CFAP92: variants seen among roughly 807,000 people sequenced by gnomAD.
The protein encoded by CFAP92 is cilia and flagella associated protein 92 (putative), also known as uncharacterized protein CFAP92.
Under a neutral mutation model 106.3 loss-of-function variants are expected in CFAP92, and 86 were observed. That is an observed-to-expected ratio of 0.81 (90% CI 0.68 to 0.97). The LOEUF is 0.97. Ranked by LOEUF, CFAP92 falls within the 50% of genes least tolerant of loss-of-function variation. The probability of loss-of-function intolerance (pLI) is 0.00; values close to 1 mark genes in which losing one functional copy is unlikely to be tolerated. For missense variants in CFAP92, 1,204 were observed against 1,283.8 expected, an observed-to-expected ratio of 0.94 and a Z score of 0.95; for synonymous variants, 477 against 506.4, an observed-to-expected ratio of 0.94 and a Z score of 0.78.
chr3:128,938,491 CTT>C (rs11361650), intron 10 of CFAP92, among the ~76,000 whole-genome samples: 2,197 of 135,772 alleles, frequency 0.016, 25 homozygotes, highest in Non-Finnish European at 0.022. Flanking sequence ...CTTCACCATT[CTT>C]TTTTTTTTTT....
intron 1 of CFAP92, chr3:129,002,447 C>A: frequency 7.2e-7 from 1 of 1,392,122 alleles, no homozygotes; most frequent in South Asian, 1.6e-5. Context: ...CAGCCCCACA[C>A]CATCCCACTC....
intron 9 of CFAP92, among the ~76,000 whole-genome samples, chr3:128,958,387 T>C (rs545170153): frequency 9.8e-5 from 15 of 152,308 alleles, no homozygotes; most frequent in Middle Eastern, 3.4e-3. Flanking sequence ...GTTACATACA[T>C]GTACAATAAA....
the CFAP92 span, among the ~76,000 whole-genome samples, chr3:129,010,756 T>G: frequency 2.0e-5 from 3 of 152,116 alleles, no homozygotes; most frequent in Admixed American, 6.5e-5. This position sits in a 1 kb window ranked among gnomAD's most constrained non-coding sequence, Gnocchi z 4.3. Flanking sequence ...CCATCGTCCT[T>G]GGAGGTGGGT....
intron 10 of CFAP92, among the ~76,000 whole-genome samples, chr3:128,935,643 C>A (rs922698041): frequency 1.1e-4 from 16 of 152,052 alleles, no homozygotes; most frequent in African/African-American, 3.6e-4. Flanking sequence ...ACCTAGGAGG[C>A]GGAGGTTGTG....
chr3:128,989,403 G>A (rs1395664592), intron 2 of CFAP92, among the ~76,000 whole-genome samples: 1 of 151,940 alleles, frequency 6.6e-6, no homozygotes, highest in African/African-American at 2.4e-5. Flanking sequence ...GGGAGGGTGG[G>A]GTGGGCCTCC....
the CFAP92 span, among the ~76,000 whole-genome samples, chr3:129,024,043 CCATT>C: frequency 2.6e-5 from 4 of 152,216 alleles, no homozygotes; most frequent in Non-Finnish European, 5.9e-5. Context: ...CCCCTAAATC[CCATT>C]CATTCATTTG....
At chr3:128,933,636 G>C (rs1246363476) in intron 11 of CFAP92, among the ~76,000 whole-genome samples, 1 of 152,326 alleles carries the variant, frequency 6.6e-6, no homozygotes, top group East Asian at 1.9e-4. Context: ...TAGCCTTTCT[G>C]AATCTGGTTT....
intron 3 of CFAP92, among the ~76,000 whole-genome samples, chr3:128,988,293 C>T (rs1022949381): frequency 1.3e-5 from 2 of 152,162 alleles, no homozygotes; most frequent in African/African-American, 4.8e-5. Context: ...GTAATCCCAG[C>T]ACTTAGGGAG....
Position 128,972,012 on chromosome 3 carries a change from G to A in CFAP92, c.1022-579C>T, listed in dbSNP as rs141370038. ...TCAAGACAAGACCAATGGGACAGAC[G>A]AGAAAGCCCAGGAACAGACCCAAAC... On this transcript the variant is annotated intron_variant, in intron 7 of 15. Transcript: ENST00000645291. Among the ~76,000 whole-genome samples the A allele has an allele frequency of 3.6e-3, 545 of 152,310 alleles. 4 individuals are homozygous for A. Among genetic ancestry groups the A allele is most frequent in the African/African-American group, 0.013 (524 of 41,552 alleles).
intron 3 of CFAP92, 121 bp from the exon 4 acceptor site, chr3:128,987,950 G>T: frequency 1.3e-6 from 1 of 752,690 alleles, no homozygotes; most frequent in South Asian, 1.8e-5. Flanking sequence ...TTCAGTGCCT[G>T]GTCACTCTCC....
At chr3:129,006,583 T>C (rs1246915939), upstream of CFAP92, among the ~76,000 whole-genome samples, 2 of 152,238 alleles carry the variant, frequency 1.3e-5, no homozygotes, top group African/African-American at 4.8e-5. Flanking sequence ...CCCAAAGTGC[T>C]GGGATTACAG....
At chr3:128,953,227 C>A (rs1023870384) in intron 9 of CFAP92, among the ~76,000 whole-genome samples, 1 of 151,110 alleles carries the variant, frequency 6.6e-6, no homozygotes, top group Non-Finnish European at 1.5e-5. Flanking sequence ...TAGAAATACC[C>A]AATCTGGGCC....
intron 12 of CFAP92, among the ~76,000 whole-genome samples, chr3:128,926,877 C>G (rs1333267413): frequency 6.6e-6 from 1 of 151,896 alleles, no homozygotes; most frequent in Non-Finnish European, 1.5e-5. Context: ...GGGCAGATCA[C>G]AAGGTCAGGA....
intron 8 of CFAP92, chr3:128,967,987 C>T (rs1010358613): frequency 3.3e-5 from 5 of 152,446 alleles, no homozygotes; most frequent in African/African-American, 1.2e-4. Flanking sequence ...CAAGTGTCCC[C>T]AGCAGACACA....
chr3:129,008,133 G>C, the CFAP92 span, among the ~76,000 whole-genome samples: 1 of 152,188 alleles, frequency 6.6e-6, no homozygotes, highest in Non-Finnish European at 1.5e-5. Flanking sequence ...TTTTAATTTT[G>C]ATACTTAGCG....
chr3:128,973,655 T>A (rs1366007813), intron 7 of CFAP92, among the ~76,000 whole-genome samples: 72 of 127,164 alleles, frequency 5.7e-4, no homozygotes, highest in Admixed American at 1.3e-3. Context: ...GAACTCTGTC[T>A]CAAGAAAAAA....
At chr3:128,942,266 T>G (rs150084399) in intron 10 of CFAP92, among the ~76,000 whole-genome samples, 126 of 152,330 alleles carry the variant, frequency 8.3e-4, no homozygotes, top group African/African-American at 2.9e-3. Flanking sequence ...GAGTCCACGA[T>G]GGCTCCAGAC....
In CFAP92 at chr3:128,946,673, C is replaced by A. The variant is rs539495628; in HGVS notation, c.1354-698G>T. On this transcript the variant is annotated intron_variant, in intron 9 of 15. Transcript: ENST00000645291. ...TTATTCTAAAATAATCCCGGATTGG[C>A]GGTGCTCCCAGAGCAGTGGGCAGAG... Among the ~76,000 whole-genome samples, 8 of 152,230 alleles carry A rather than the reference C, an allele frequency of 5.3e-5. No individual in the cohort carries two copies. The East Asian group carries it at 1.5e-3, about 29-fold the overall frequency.
chr3:128,915,319 T>G lies in CFAP92; in HGVS notation c.3123+38A>C, dbSNP rs114216815. ...TAAATCAGGAGGAGAAAGGTCCCTA[T>G]GGACACCCCACCTGAGACCCTGCTC... On this transcript the variant is annotated intron_variant, in intron 14 of 15. Coordinates refer to ENST00000645291, the MANE Select transcript of CFAP92 (RefSeq NM_001394090.1). The G allele has an allele frequency of 2.5e-4, 391 of 1,536,002 alleles. No individual in the cohort carries two copies. The African/African-American group carries it at 4.9e-3, about 19-fold the overall frequency.
Sources: allele counts gnomAD v4.1 joint callset (sites outside exome capture counted in the v4.1 genomes callset), GRCh38; gene constraint gnomAD v4.1.1; non-coding constraint Gnocchi (gnomAD v3.1); transcripts MANE v1.5; gene names NCBI Gene and HGNC (gene_info 2026-07-23, HGNC 2026-07-21).